The following ITGB3 variants were observed in gnomAD, a reference collection of about 807,000 sequenced individuals.
ITGB3 encodes the protein integrin beta-3.
Under a neutral mutation model 85.8 loss-of-function variants are expected in ITGB3, and 48 were observed. The ratio of observed to expected loss-of-function variants is 0.56; its 90% confidence interval spans 0.44 to 0.71. The LOEUF (loss-of-function observed/expected upper bound fraction) is 0.71, where lower values mean the gene tolerates loss of function less well. Among genes scored for constraint, ITGB3 ranks in the 30% least tolerant of loss-of-function variants. The probability of loss-of-function intolerance (pLI) is 0.00; values close to 1 mark genes in which losing one functional copy is unlikely to be tolerated. For synonymous variants in ITGB3, 363 were observed against 395.6 expected (o/e 0.92, Z 0.98); for missense variants, 861 against 1,019.1 (o/e 0.84, Z 2.11).
chr17:47,278,434 G>T (rs1185919736), intron 2 of ITGB3, among the ~76,000 whole-genome samples: 1 of 152,138 alleles, frequency 6.6e-6, no homozygotes, highest in African/African-American at 2.4e-5. Flanking sequence ...TACAAAATTA[G>T]CTGGGCGTGG....
At chr17:47,266,675 C>T (rs2065026930) in intron 1 of ITGB3, among the ~76,000 whole-genome samples, 1 of 152,060 alleles carries the variant, frequency 6.6e-6, no homozygotes. Flanking sequence ...CCTCCCAGGT[C>T]CAGCTGATTT....
At chr17:47,309,644 A>C (rs2065205134) in intron 14 of ITGB3, among the ~76,000 whole-genome samples, 1 of 152,178 alleles carries the variant, frequency 6.6e-6, no homozygotes, top group African/African-American at 2.4e-5. Flanking sequence ...CTGTAATTCC[A>C]GCACTTTGGG....
chr17:47,262,511 G>A (rs1351676949), intron 1 of ITGB3, among the ~76,000 whole-genome samples: 1 of 152,180 alleles, frequency 6.6e-6, no homozygotes, highest in Non-Finnish European at 1.5e-5. Context: ...CCTAGGGTAT[G>A]AGTCCCCCTG....
chr17:47,269,908 A>G (rs951106519), intron 1 of ITGB3, among the ~76,000 whole-genome samples: 14 of 152,266 alleles, frequency 9.2e-5, no homozygotes, highest in Non-Finnish European at 1.5e-4. Flanking sequence ...AAAGAGGTTT[A>G]GTTGACTCAC....
chr17:47,294,265 G>A (rs1797175054), intron 10 of ITGB3, among the ~76,000 whole-genome samples: 1 of 152,224 alleles, frequency 6.6e-6, no homozygotes, highest in Non-Finnish European at 1.5e-5. Flanking sequence ...AAAGGAAATG[G>A]GTAAATTTGA....
intron 1 of ITGB3, among the ~76,000 whole-genome samples, chr17:47,260,348 C>T (rs1049029411): frequency 2.0e-5 from 3 of 152,132 alleles, no homozygotes. Flanking sequence ...TTCCCCACCA[C>T]CTTCAACTGG....
chr17:47,269,223 T>C (rs1451418210), intron 1 of ITGB3, among the ~76,000 whole-genome samples: 3 of 152,258 alleles, frequency 2.0e-5, no homozygotes, highest in Non-Finnish European at 4.4e-5. Context: ...TGAAGGTCTC[T>C]GACATGCCCT....
At position 47,299,237 on chromosome 17, in the gene ITGB3, G is replaced by A. The variant is rs1419081384; in HGVS notation, c.1691-71G>A. ...GTGTGGTTGGGAGAGCAGGATGGTC[G>A]TGTGTAGCCTGCTGCCATGGGAGTG... On this transcript the variant is annotated intron_variant, in intron 10 of 14. Transcript: ENST00000559488. The surrounding 1 kb of genome is among the most constrained non-coding windows in gnomAD (Gnocchi z 5.1). 12 of 1,397,558 alleles carry A rather than the reference G, an allele frequency of 8.6e-6. No individual in the cohort carries two copies. In the East Asian group the frequency reaches 9.1e-5, roughly 11 times the overall value. 86.6% of individuals were successfully genotyped at this position (1,397,558 alleles called of 1,614,324 possible). A position where few individuals can be genotyped will look rare whatever the true frequency, so the allele number is the denominator to read the frequency against.
intron 2 of ITGB3, among the ~76,000 whole-genome samples, chr17:47,277,058 C>T (rs927976727): frequency 6.6e-6 from 1 of 152,062 alleles, no homozygotes; most frequent in Non-Finnish European, 1.5e-5. Context: ...GGAAAACAGC[C>T]AACGTGGATG....
In ITGB3 at chr17:47,312,189, T is replaced by C. The variant is rs148880380; in HGVS notation, c.*1985T>C. Among the ~76,000 whole-genome samples the C allele has an allele frequency of 5.5e-3, 833 of 152,350 alleles. 9 individuals are homozygous for C. Among genetic ancestry groups the C allele is most frequent in the African/African-American group, 0.019 (799 of 41,586 alleles). On this transcript the variant is annotated 3_prime_UTR_variant, in exon 15 of 15. Transcript: ENST00000559488. ...GTCTCTCCTGATGTAGCACTTAAGC[T>C]TCATTTAGTTATTATTTCTTTCTTC...
intron 11 of ITGB3, 53 bp from the exon 12 acceptor site, chr17:47,300,425 A>C (rs1296981430): frequency 1.5e-6 from 2 of 1,304,380 alleles, no homozygotes; most frequent in Admixed American, 3.4e-5. Flanking sequence ...GGACTGGGAT[A>C]CGCTTAGGCT....
At chr17:47,304,666 G>A (rs578216488) in intron 13 of ITGB3, among the ~76,000 whole-genome samples, 3 of 152,082 alleles carry the variant, frequency 2.0e-5, no homozygotes, top group Non-Finnish European at 4.4e-5. Context: ...GGAGTACAGC[G>A]GCGTGATCTT....
chr17:47,271,056 G>C (rs1264664005), intron 1 of ITGB3, among the ~76,000 whole-genome samples: 2 of 152,208 alleles, frequency 1.3e-5, no homozygotes, highest in Non-Finnish European at 2.9e-5. Context: ...AACTGGAGCT[G>C]AGCTGGGCAG....
chr17:47,307,710 G>T, intron 14 of ITGB3, 73 bp downstream of exon 14: 1 of 1,454,224 alleles, frequency 6.9e-7, no homozygotes, highest in South Asian at 1.2e-5. Flanking sequence ...AGATGCTTTG[G>T]GTGGTCATGT....
intron 2 of ITGB3, among the ~76,000 whole-genome samples, chr17:47,277,254 T>G (rs529637709): frequency 6.6e-5 from 10 of 152,124 alleles, no homozygotes; most frequent in Non-Finnish European, 1.5e-4. Flanking sequence ...CCAAACTCAT[T>G]TGGTGTTGAG....
rs8068200 is a variant in ITGB3 at position 47,313,196 on chromosome 17, A to G, written c.*2992A>G. Among the ~76,000 whole-genome samples the G allele has an allele frequency of 0.64, 97,335 of 151,132 alleles. 31,472 individuals are homozygous for G. The highest frequency in any genetic ancestry group is 0.72 in the Middle Eastern group (206 of 288). On this transcript the variant is annotated 3_prime_UTR_variant, in exon 15 of 15. Coordinates refer to ENST00000559488, the MANE Select transcript of ITGB3 (RefSeq NM_000212.3). ...ACCATGTTGGCCAGGCTGGTCTCGA[A>G]CTCCTGACCTTAGGCGATCCACCTT...
intron 5 of ITGB3, 74 bp from the exon 6 acceptor site, chr17:47,286,996 C>T: frequency 5.2e-6 from 8 of 1,528,800 alleles, no homozygotes; most frequent in Non-Finnish European, 7.2e-6. Context: ...CACCTTGGGT[C>T]TCTGTTCTCT....
chr17:47,254,007 A>T, intron 1 of ITGB3, 67 bp downstream of exon 1: 1 of 1,078,354 alleles, frequency 9.3e-7, no homozygotes, highest in Non-Finnish European at 1.2e-6. Flanking sequence ...CAAGTTGCGG[A>T]CTTGGAGCCG....
At position 47,274,438 on chromosome 17, in the gene ITGB3, G is replaced by A. The variant is rs1439256468; in HGVS notation, c.99G>A (p.Thr33=). 6 of 1,613,374 alleles carry A rather than the reference G, an allele frequency of 3.7e-6. No homozygotes were observed. Among genetic ancestry groups the A allele is most frequent in the Admixed American group, 3.3e-5 (2 of 60,002 alleles). ...TTGCAGGGCCCAACATCTGTACCAC[G>A]CGAGGTGTGAGCTCCTGCCAGCAGT... ...VGVGGPNICT[T]RGVSSCQQCL... is the part of the protein sequence containing the mutation. Residue 33 remains threonine, a synonymous_variant, in exon 2 of 15, where the codon ACG becomes ACA. Coordinates refer to ENST00000559488, the MANE Select transcript of ITGB3 (RefSeq NM_000212.3).
Sources: allele counts gnomAD v4.1 joint callset (sites outside exome capture counted in the v4.1 genomes callset), GRCh38; gene constraint gnomAD v4.1.1; non-coding constraint Gnocchi (gnomAD v3.1); transcripts MANE v1.5; gene names NCBI Gene and HGNC (gene_info 2026-07-23, HGNC 2026-07-21).